The following MAP7D2 variants were observed in gnomAD, a reference collection of about 807,000 sequenced individuals.
MAP7D2 encodes the protein MAP7 domain-containing protein 2.
A neutral mutation model predicts 63.5 loss-of-function variants in MAP7D2; 33 were observed. That is an observed-to-expected ratio of 0.52 (90% CI 0.39 to 0.70). The LOEUF is 0.70. Ranked by LOEUF, MAP7D2 falls within the 30% of genes least tolerant of loss-of-function variation. The probability of loss-of-function intolerance (pLI) is 0.00; values close to 1 mark genes in which losing one functional copy is unlikely to be tolerated. For synonymous variants in MAP7D2, 224 were observed against 223.7 expected (o/e 1.00, Z -0.01); for missense variants, 626 against 604.0 (o/e 1.04, Z -0.38).
chrX:20,098,621 G>A (rs1403577488), intron 1 of MAP7D2, among the ~76,000 whole-genome samples: 7 of 111,358 alleles, frequency 6.3e-5, no homozygotes, highest in Admixed American at 1.9e-4. Context: ...TCCTGACCCA[G>A]GAGGTGAAGG....
intron 2 of MAP7D2, among the ~76,000 whole-genome samples, chrX:20,064,393 G>A (rs1204800785): frequency 1.8e-5 from 2 of 111,900 alleles, no homozygotes; most frequent in Non-Finnish European, 3.8e-5. Context: ...ATTCCCAAGA[G>A]AGAACCTGAG....
Position 20,052,904 on chromosome X carries a change from A to G in MAP7D2, c.569T>C (p.Val190Ala). Residue 190 changes from valine (V) to alanine (A), a missense_variant, in exon 5 of 17, where the codon GTG becomes GCG. Coordinates refer to ENST00000379643, the MANE Select transcript of MAP7D2 (RefSeq NM_001168465.2). ...PMNKRLSSST[V>A]AISYSPDRAH... is the part of the protein sequence containing the mutation. Reference sequence around the variant, plus strand: ...TCGGTCTGGGGAATAGGATATTGCCACGGTGGATGAAGACAGGCGTTTATT... The same window carrying G: ...TCGGTCTGGGGAATAGGATATTGCCGCGGTGGATGAAGACAGGCGTTTATT... 1 of 1,209,601 alleles carries G rather than the reference A, an allele frequency of 8.3e-7. No homozygotes were observed. Among genetic ancestry groups the G allele is most frequent in the Non-Finnish European group, 1.1e-6 (1 of 893,143 alleles).
At chrX:20,022,446 C>T (rs2073686455) in intron 10 of MAP7D2, among the ~76,000 whole-genome samples, 1 of 110,722 alleles carries the variant, frequency 9.0e-6, no homozygotes, top group Non-Finnish European at 1.9e-5. Context: ...CCAGCGTGGA[C>T]AGGGGACAAA....
At chrX:20,097,203 TA>T (rs2066295067) in intron 1 of MAP7D2, among the ~76,000 whole-genome samples, 1 of 112,514 alleles carries the variant, frequency 8.9e-6, no homozygotes, top group Non-Finnish European at 1.9e-5. Context: ...TAATTTTAAT[TA>T]AGTAGCCACA....
chrX:20,050,217 C>T (rs1250688794), intron 6 of MAP7D2, among the ~76,000 whole-genome samples: 1 of 111,208 alleles, frequency 9.0e-6, no homozygotes, highest in Non-Finnish European at 1.9e-5. Flanking sequence ...TCCAGTGTTT[C>T]TCAGACTTCA....
At chrX:20,083,657 C>T (rs1042671727) in intron 1 of MAP7D2, among the ~76,000 whole-genome samples, 1 of 112,034 alleles carries the variant, frequency 8.9e-6, no homozygotes, top group African/African-American at 3.2e-5. Context: ...TCAATACATA[C>T]ATTTCTATTA....
chrX:20,071,784 GTTTGTTTTGT>G (rs764960642), intron 1 of MAP7D2, among the ~76,000 whole-genome samples: 31 of 112,145 alleles, frequency 2.8e-4, no homozygotes, highest in Non-Finnish European at 4.7e-4. Flanking sequence ...GTCTAGGTCT[GTTTGTTTTGT>G]TTTGTTTTGT....
intron 1 of MAP7D2, among the ~76,000 whole-genome samples, chrX:20,078,834 C>T (rs1393436174): frequency 1.8e-5 from 2 of 109,743 alleles, no homozygotes; most frequent in Admixed American, 2.0e-4. Context: ...ATGTCTACTA[C>T]CACAGTCTAG....
At chrX:20,036,578 A>G (rs1397466490) in intron 8 of MAP7D2, among the ~76,000 whole-genome samples, 5 of 106,418 alleles carry the variant, frequency 4.7e-5, no homozygotes, top group Non-Finnish European at 7.8e-5. Context: ...AAACCTGCAC[A>G]TGTGCCCCTG....
intron 10 of MAP7D2, among the ~76,000 whole-genome samples, chrX:20,016,528 T>G (rs960668334): frequency 8.9e-6 from 1 of 112,515 alleles, no homozygotes; most frequent in Non-Finnish European, 1.9e-5. Context: ...TAACCAGGCT[T>G]GACTTTAAAT....
intron 1 of MAP7D2, among the ~76,000 whole-genome samples, chrX:20,089,846 G>A (rs778534457): frequency 1.8e-5 from 2 of 110,152 alleles, no homozygotes; most frequent in African/African-American, 3.3e-5. Context: ...CTCCTCCCTC[G>A]TTCCCCCTTC....
intron 1 of MAP7D2, among the ~76,000 whole-genome samples, chrX:20,089,326 T>C (rs1251494199): frequency 8.9e-6 from 1 of 112,314 alleles, no homozygotes; most frequent in African/African-American, 3.2e-5. Flanking sequence ...TGTCTATCCT[T>C]ATGCCAGTAT....
chrX:20,101,662 G>C (rs1449289916), intron 1 of MAP7D2, among the ~76,000 whole-genome samples: 1 of 112,504 alleles, frequency 8.9e-6, no homozygotes, highest in Non-Finnish European at 1.9e-5. Context: ...CATCCAGCAA[G>C]AGAATTGATA....
chrX:20,020,299 G>GA (rs1479360594), intron 10 of MAP7D2, among the ~76,000 whole-genome samples: 1 of 110,612 alleles, frequency 9.0e-6, no homozygotes, highest in Non-Finnish European at 1.9e-5. Flanking sequence ...CCATGCCCTG[G>GA]AAAAATGCTC....
Position 20,010,868 on chromosome X carries a change from T to A in MAP7D2, c.2257A>T (p.Asn753Tyr), listed in dbSNP as rs1455416933. The A allele has an allele frequency of 8.3e-7, 1 of 1,210,834 alleles. No individual in the cohort carries two copies. The highest frequency in any genetic ancestry group is 1.8e-5 in the South Asian group (1 of 56,959). Residue 753 changes from asparagine to tyrosine, a missense_variant, in exon 16 of 17, where the codon AAC (asparagine) becomes TAC (tyrosine). By Grantham distance (143) the Asn-to-Tyr change is moderately radical. Transcript: ENST00000379643. The stretch of plus-strand genomic sequence containing the variant: ...TTAAATCCTTCGATAAGGTTTTTGT[T>A]ACAGTCGTCCAGGCTGAGATTTTCA... ...SSENLSLDDC[N>Y]KNLIEGFNSP... is the part of the protein sequence containing the mutation.
chrX:20,083,553 T>G (rs2065830836), intron 1 of MAP7D2, among the ~76,000 whole-genome samples: 1 of 112,546 alleles, frequency 8.9e-6, no homozygotes. Flanking sequence ...AACAGCAATA[T>G]GCTGTTGCTA....
chrX:20,099,089 C>G, intron 1 of MAP7D2, among the ~76,000 whole-genome samples: 1 of 112,664 alleles, frequency 8.9e-6, no homozygotes, highest in African/African-American at 3.2e-5. Context: ...ACCAATAACT[C>G]TGGCACAGGC....
intron 15 of MAP7D2, 34 bp downstream of exon 15, chrX:20,012,315 T>A: frequency 9.4e-7 from 1 of 1,062,191 alleles, no homozygotes; most frequent in Middle Eastern, 3.0e-4. Flanking sequence ...TTTCGAGAAG[T>A]GATGAGGCTT....
At chrX:20,086,573 A>G (rs941570242) in intron 1 of MAP7D2, among the ~76,000 whole-genome samples, 14 of 111,706 alleles carry the variant, frequency 1.3e-4, no homozygotes, top group Non-Finnish European at 2.3e-4. Flanking sequence ...ATGTGCAGAA[A>G]TAGGAAGCAG....
Sources: allele counts gnomAD v4.1 joint callset (sites outside exome capture counted in the v4.1 genomes callset), GRCh38; gene constraint gnomAD v4.1.1; transcripts MANE v1.5; gene names NCBI Gene and HGNC (gene_info 2026-07-23, HGNC 2026-07-21).